KCNIP4: variants seen among roughly 807,000 people sequenced by gnomAD.
The protein encoded by KCNIP4 is Kv channel-interacting protein 4.
KCNIP4 carries 12 observed loss-of-function variants against 34.0 expected under a neutral mutation model. That is an observed-to-expected ratio of 0.35 (90% CI 0.23 to 0.57). The LOEUF is 0.57. Ranked by LOEUF, KCNIP4 falls within the 20% of genes least tolerant of loss-of-function variation. The pLI is 0.83. For missense variants in KCNIP4, 238 were observed against 311.7 expected (o/e 0.76, Z 1.78); for synonymous variants, 124 against 102.2 (o/e 1.21, Z -1.29).
intron 1 of KCNIP4, among the ~76,000 whole-genome samples, chr4:21,812,521 T>G (rs965732511): frequency 6.6e-6 from 1 of 152,216 alleles, no homozygotes; most frequent in African/African-American, 2.4e-5. Context: ...GTCAAGAGGT[T>G]GGGCTAGTTA....
At chr4:21,206,252 G>C (rs1018479111) in intron 1 of KCNIP4, among the ~76,000 whole-genome samples, 3 of 152,082 alleles carry the variant, frequency 2.0e-5, no homozygotes. Flanking sequence ...ATGAATATTT[G>C]TTTTGTACTT....
At chr4:21,244,751 C>T (rs1760083967) in intron 1 of KCNIP4, among the ~76,000 whole-genome samples, 1 of 152,076 alleles carries the variant, frequency 6.6e-6, no homozygotes, top group Non-Finnish European at 1.5e-5. Context: ...AGAACAAATG[C>T]TTTATTAAAA....
chr4:21,486,681 A>G (rs945219710), intron 1 of KCNIP4, among the ~76,000 whole-genome samples: 36 of 152,172 alleles, frequency 2.4e-4, no homozygotes, highest in African/African-American at 8.2e-4. Flanking sequence ...GAAAAATTTT[A>G]GAATAGTTTT....
chr4:21,042,781 C>A lies in KCNIP4; in HGVS notation c.62-160072G>T, dbSNP rs552756713. Among the ~76,000 whole-genome samples, 50 of 152,186 alleles carry A rather than the reference C, an allele frequency of 3.3e-4. 1 individual carries two copies. In the South Asian group the frequency reaches 1.0e-2, roughly 30 times the overall value. On this transcript the variant is annotated intron_variant, in intron 1 of 8. Coordinates refer to ENST00000382152, the MANE Select transcript of KCNIP4 (RefSeq NM_025221.6). ...ACACGTTTTGAAACATCATGTTGTA[C>A]CCCGTAAGTATGTACAATTATTATG...
intron 1 of KCNIP4, among the ~76,000 whole-genome samples, chr4:21,487,053 G>A (rs939154802): frequency 1.3e-4 from 19 of 151,838 alleles, no homozygotes; most frequent in Non-Finnish European, 2.2e-4. Context: ...CTCCCACATC[G>A]GCCTCCCAAA....
intron 1 of KCNIP4, among the ~76,000 whole-genome samples, chr4:21,778,841 T>C (rs1394278765): frequency 6.6e-6 from 1 of 152,162 alleles, no homozygotes; most frequent in African/African-American, 2.4e-5. Context: ...CCAGGCTACC[T>C]ATGTGCAAAT....
chr4:21,245,410 A>G (rs1413769112), intron 1 of KCNIP4, among the ~76,000 whole-genome samples: 1 of 152,172 alleles, frequency 6.6e-6, no homozygotes, highest in Non-Finnish European at 1.5e-5. Flanking sequence ...GCAAATTTAA[A>G]TATAAGCTCC....
chr4:21,122,364 C>G lies in KCNIP4; in HGVS notation c.62-239655G>C, dbSNP rs1368048992. ...ACGTTTTGAAAATCAGTATTTTCCC[C>G]CAGTTATTCAGGGTTAAATTGTTCT... On this transcript the variant is annotated intron_variant, in intron 1 of 8. Coordinates refer to ENST00000382152, the MANE Select transcript of KCNIP4 (RefSeq NM_025221.6). Among the ~76,000 whole-genome samples the G allele has an allele frequency of 1.3e-5, 2 of 150,022 alleles. 1 individual carries two copies. The highest frequency in any genetic ancestry group is 4.9e-5 in the African/African-American group (2 of 40,558).
chr4:21,816,141 G>A (rs1160807440), intron 1 of KCNIP4, among the ~76,000 whole-genome samples: 1 of 152,072 alleles, frequency 6.6e-6, no homozygotes, highest in African/African-American at 2.4e-5. Flanking sequence ...AAGAGCAACT[G>A]TAACAGAAGA....
intron 1 of KCNIP4, among the ~76,000 whole-genome samples, chr4:21,280,108 A>G (rs983416684): frequency 1.3e-5 from 2 of 152,200 alleles, no homozygotes; most frequent in Non-Finnish European, 2.9e-5. Context: ...TACAGTCTAC[A>G]TTTATTCCAT....
At chr4:21,124,277 T>C (rs1156632024) in intron 1 of KCNIP4, among the ~76,000 whole-genome samples, 1 of 152,176 alleles carries the variant, frequency 6.6e-6, no homozygotes, top group Non-Finnish European at 1.5e-5. Context: ...TTAATATTAT[T>C]ATGAAAATAG....
intron 1 of KCNIP4, among the ~76,000 whole-genome samples, chr4:21,809,224 A>T (rs1721480406): frequency 6.6e-6 from 1 of 152,144 alleles, no homozygotes; most frequent in African/African-American, 2.4e-5. Flanking sequence ...AAATAGGACA[A>T]AAAGGTGGAG....
At chr4:21,918,900 A>T (rs941196103) in intron 1 of KCNIP4, among the ~76,000 whole-genome samples, 1 of 152,048 alleles carries the variant, frequency 6.6e-6, no homozygotes, top group African/African-American at 2.4e-5. Flanking sequence ...AGATCTTGGA[A>T]CTCCATTTCT....
At chr4:21,417,076 G>A (rs1028325755) in intron 1 of KCNIP4, among the ~76,000 whole-genome samples, 2 of 152,098 alleles carry the variant, frequency 1.3e-5, no homozygotes, top group Non-Finnish European at 2.9e-5. Flanking sequence ...TTGGAAAATC[G>A]AACTGGGATT....
At chr4:20,944,951 TC>T (rs1348460730) in intron 1 of KCNIP4, among the ~76,000 whole-genome samples, 2 of 152,150 alleles carry the variant, frequency 1.3e-5, no homozygotes, top group Admixed American at 6.5e-5. Flanking sequence ...TCCCCAATGA[TC>T]CTAGCCAAAA....
chr4:20,990,132 C>T (rs1035535677), intron 1 of KCNIP4, among the ~76,000 whole-genome samples: 3 of 152,194 alleles, frequency 2.0e-5, no homozygotes, highest in Non-Finnish European at 1.5e-5. Flanking sequence ...CCCTTCATGT[C>T]TCTTCACACT....
intron 1 of KCNIP4, among the ~76,000 whole-genome samples, chr4:21,076,496 T>G (rs1332422695): frequency 6.6e-6 from 1 of 152,142 alleles, no homozygotes; most frequent in Non-Finnish European, 1.5e-5. Context: ...GGAACCAATT[T>G]TCATGCTTTT....
At chr4:21,087,455 T>G (rs1467998877) in intron 1 of KCNIP4, among the ~76,000 whole-genome samples, 2 of 151,982 alleles carry the variant, frequency 1.3e-5, no homozygotes, top group Non-Finnish European at 2.9e-5. Context: ...GGGATTATAA[T>G]TTTTGTGTTT....
chr4:21,033,585 A>C (rs1741190954), intron 1 of KCNIP4, among the ~76,000 whole-genome samples: 1 of 152,210 alleles, frequency 6.6e-6, no homozygotes, highest in Non-Finnish European at 1.5e-5. Context: ...GAGACAGTGA[A>C]AACCATGAAA....
Sources: gnomAD v4.1 joint callset for allele counts (sites outside exome capture counted in the v4.1 genomes callset) on GRCh38, gnomAD v4.1.1 for gene constraint, MANE v1.5 for transcripts, NCBI Gene and HGNC (gene_info 2026-07-23, HGNC 2026-07-21) for gene names.